Variants in ATP2B3 observed in about 807,000 individuals in gnomAD.
The protein encoded by ATP2B3 is plasma membrane calcium-transporting ATPase 3.
ATP2B3 carries 12 observed loss-of-function variants against 70.8 expected under a neutral mutation model. The observed-to-expected ratio is 0.17, with a 90% CI of 0.11 to 0.27. The LOEUF is 0.27. Ranked by LOEUF, ATP2B3 falls within the 10% of genes least tolerant of loss-of-function variation. The probability of loss-of-function intolerance (pLI) is 1.00; values close to 1 mark genes in which losing one functional copy is unlikely to be tolerated. For synonymous variants in ATP2B3, 460 were observed against 497.8 expected, an observed-to-expected ratio of 0.92 and a Z score of 1.01; for missense variants, 858 against 1,118.5, an observed-to-expected ratio of 0.77 and a Z score of 3.32.
rs371663081 is a variant in ATP2B3, at chrX:153,580,168, C to A, written c.3533C>A (p.Ser1178Tyr). Residue 1178 changes from serine to tyrosine, a missense_variant, in exon 22 of 22, where the codon TCC (serine) becomes TAC (tyrosine). This residue lies in a region of ATP2B3 where 265 missense variants were observed against 305.3 expected (regional missense o/e 0.87). Transcript: ENST00000263519. The part of the protein sequence containing the change: ...EERLRAPPPP[S>Y]PNQNNNAIDS... The stretch of plus-strand genomic sequence containing the variant: ...CGCCTCCGGGCCCCCCCGCCCCCGT[C>A]CCCCAACCAGAACAACAACGCCATA... 2.0e-6 allele frequency: 2 copies of A among 982,191 alleles called. No homozygotes were observed. Among genetic ancestry groups the A allele is most frequent in the African/African-American group, 3.9e-5 (2 of 50,833 alleles). The allele number at this position is 982,191 out of a possible 1,213,427, so 80.9% of individuals were successfully genotyped here.
At chrX:153,564,324 A>T (rs782317662) in intron 20 of ATP2B3, among the ~76,000 whole-genome samples, 1 of 112,880 alleles carries the variant, frequency 8.9e-6, no homozygotes, top group African/African-American at 3.2e-5. Context: ...CCCGGTGTCC[A>T]GGGCTTTTCT....
intron 15 of ATP2B3, 58 bp downstream of exon 15, chrX:153,556,476 T>G (rs2090539345): frequency 9.0e-7 from 1 of 1,114,146 alleles, no homozygotes; most frequent in African/African-American, 1.8e-5. Flanking sequence ...GTCTGCTTCC[T>G]GACACCAAAA....
intron 2 of ATP2B3, among the ~76,000 whole-genome samples, chrX:153,534,558 A>G (rs2090162296): frequency 8.9e-6 from 1 of 112,147 alleles, no homozygotes; most frequent in African/African-American, 3.2e-5. Context: ...CCAGCTAGAG[A>G]GGGACGGGGT....
At chrX:153,559,696 G>A (rs2090594888) in intron 17 of ATP2B3, 33 bp from the exon 18 acceptor site, 2 of 1,183,324 alleles carry the variant, frequency 1.7e-6, no homozygotes, top group Admixed American at 4.4e-5. Flanking sequence ...CGGGCAGGCG[G>A]CCCATGGAAA....
At chrX:153,531,566 A>T (rs2090118583) in intron 2 of ATP2B3, among the ~76,000 whole-genome samples, 1 of 112,966 alleles carries the variant, frequency 8.9e-6, no homozygotes, top group South Asian at 3.7e-4. Flanking sequence ...GCATGTGCCC[A>T]GGTAGGCCCC....
chrX:153,580,399 C>A lies in ATP2B3; in HGVS notation c.*101C>A. ...ACACATATGGGGACCTGCACACCTG[C>A]AAAACGAGGGAACAACTAAGGTGGC... On this transcript the variant is annotated 3_prime_UTR_variant, in exon 22 of 22. Transcript: ENST00000263519. 1 of 859,548 alleles carries A rather than the reference C, an allele frequency of 1.2e-6. No homozygotes were observed. The highest frequency in any genetic ancestry group is 1.6e-6 in the Non-Finnish European group (1 of 621,053). The allele number at this position is 859,548 out of a possible 1,213,427, so 70.8% of individuals were successfully genotyped here. A position where few individuals can be genotyped will look rare whatever the true frequency, so the allele number is the denominator to read the frequency against.
chrX:153,534,348 G>A (rs192628448), intron 2 of ATP2B3, among the ~76,000 whole-genome samples: 9 of 112,244 alleles, frequency 8.0e-5, no homozygotes, highest in African/African-American at 2.6e-4. Flanking sequence ...AGAAAAGCAA[G>A]GGCAATTCGT....
intron 2 of ATP2B3, among the ~76,000 whole-genome samples, chrX:153,522,429 G>A (rs782377769): frequency 8.9e-6 from 1 of 112,285 alleles, no homozygotes; most frequent in South Asian, 3.7e-4. Context: ...CCCAGGGCTC[G>A]GGTCCACAAC....
chrX:153,558,107 C>T lies in ATP2B3; in HGVS notation c.2434-5C>T. The stretch of plus-strand genomic sequence containing the variant: ...TCTGTGTGAGTGTGTGTGTCACCCC[C>T]CCAGGGCATCGCAGGGACCGACGTG... On this transcript the variant is annotated splice_region_variant and splice_polypyrimidine_tract_variant and intron_variant, in intron 16 of 21. Coordinates refer to ENST00000263519, the MANE Select transcript of ATP2B3 (RefSeq NM_001001344.3). 8.3e-7 allele frequency: 1 copy of T among 1,205,323 alleles called. No homozygotes were observed. Among genetic ancestry groups the T allele is most frequent in the Non-Finnish European group, 1.1e-6 (1 of 892,153 alleles).
intron 12 of ATP2B3, among the ~76,000 whole-genome samples, chrX:153,552,063 G>T (rs1352390884): frequency 8.9e-6 from 1 of 112,485 alleles, no homozygotes; most frequent in Non-Finnish European, 1.9e-5. Flanking sequence ...AGCGCTCACT[G>T]CCAGGGCCAG....
rs1410046154 is a variant in ATP2B3, at chrX:153,542,317, C to G, written c.665-6C>G. 8.3e-7 allele frequency: 1 copy of G among 1,209,713 alleles called. No homozygotes were observed. Among genetic ancestry groups the G allele is most frequent in the African/African-American group, 1.7e-5 (1 of 57,442 alleles). On this transcript the variant is annotated splice_region_variant and splice_polypyrimidine_tract_variant and intron_variant, in intron 5 of 21. Transcript: ENST00000263519. ...GGAGAAAGGCCTCTGCTTCCCGGTG[C>G]TCTAGGCGACCTGCTGCCAGCCGAC...
intron 8 of ATP2B3, among the ~76,000 whole-genome samples, chrX:153,547,114 G>A (rs989502471): frequency 1.7e-4 from 19 of 111,698 alleles, no homozygotes; most frequent in Non-Finnish European, 3.6e-4. Flanking sequence ...GTCGGTCCCG[G>A]GGCAGAAGAG....
chrX:153,551,403 C>T (rs1347608894), intron 12 of ATP2B3, among the ~76,000 whole-genome samples: 2 of 111,919 alleles, frequency 1.8e-5, no homozygotes, highest in East Asian at 5.6e-4. Flanking sequence ...TTGCTCATTG[C>T]TGAGTTGGGT....
intron 8 of ATP2B3, among the ~76,000 whole-genome samples, chrX:153,546,700 G>C (rs984941988): frequency 8.8e-6 from 1 of 113,256 alleles, no homozygotes. Context: ...CGTGGCCCAC[G>C]GAGGACAGGA....
chrX:153,535,567 CT>C (rs2090178655), intron 2 of ATP2B3, among the ~76,000 whole-genome samples: 1 of 110,960 alleles, frequency 9.0e-6, no homozygotes, highest in Non-Finnish European at 1.9e-5. Flanking sequence ...TTCCTCGCCC[CT>C]GGCCCCCCAG....
intron 2 of ATP2B3, among the ~76,000 whole-genome samples, chrX:153,530,994 C>G (rs1023935403): frequency 8.0e-5 from 9 of 112,550 alleles, no homozygotes; most frequent in African/African-American, 2.6e-4. Flanking sequence ...CTTCCCTCCC[C>G]CTTCCCTGGC....
intron 21 of ATP2B3, among the ~76,000 whole-genome samples, chrX:153,576,971 A>G (rs956870206): frequency 1.7e-4 from 19 of 112,579 alleles, no homozygotes; most frequent in Non-Finnish European, 1.3e-4. Flanking sequence ...ATTAGGATGC[A>G]GGGAAAATAG....
intron 2 of ATP2B3, among the ~76,000 whole-genome samples, chrX:153,522,761 G>A (rs1293879802): frequency 1.8e-5 from 2 of 112,018 alleles, no homozygotes; most frequent in African/African-American, 6.5e-5. Flanking sequence ...ACCTCGCCTC[G>A]TGCTGACTCC....
intron 2 of ATP2B3, among the ~76,000 whole-genome samples, chrX:153,528,193 G>C (rs1557000563): frequency 8.9e-6 from 1 of 112,469 alleles, no homozygotes; most frequent in Non-Finnish European, 1.9e-5. Flanking sequence ...GCTTTTCAGG[G>C]CAGTATAACT....
Sources: allele counts gnomAD v4.1 joint callset (sites outside exome capture counted in the v4.1 genomes callset), GRCh38; gene constraint gnomAD v4.1.1; regional missense constraint gnomAD v4.1.1; transcripts MANE v1.5; gene names NCBI Gene and HGNC (gene_info 2026-07-23, HGNC 2026-07-21).